The following RSKR variants were observed in gnomAD, a reference collection of about 807,000 sequenced individuals.
The protein encoded by RSKR is ribosomal protein S6 kinase-related protein.
RSKR carries 44 observed loss-of-function variants against 56.8 expected under a neutral mutation model. The observed-to-expected ratio is 0.77, with a 90% CI of 0.61 to 1.00. The LOEUF (loss-of-function observed/expected upper bound fraction) is 1.00, where lower values mean the gene tolerates loss of function less well. RSKR is among the 50% of genes least tolerant of loss of function. The pLI is 0.00. For synonymous variants in RSKR, 181 were observed against 188.0 expected (o/e 0.96, Z 0.30); for missense variants, 510 against 506.9 (o/e 1.01, Z -0.06).
rs2070798453 is a variant in RSKR at position 28,610,590 on chromosome 17, A to C, written c.1121T>G (p.Val374Gly). 2.0e-6 allele frequency: 3 copies of C among 1,535,898 alleles called. No homozygotes were observed. The highest frequency in any genetic ancestry group is 1.7e-6 in the Non-Finnish European group (2 of 1,146,890). Residue 374 changes from valine (V) to glycine (G), a missense_variant, in exon 12 of 12, where the codon GTG becomes GGG. Coordinates refer to ENST00000301037, the MANE Select transcript of RSKR (RefSeq NM_001174103.2). ...AGCTTGTGTCTCCGTGACAAAGTTC[A>C]CTGGCTGCTTCTGTAGGAGCTCTGG... is the stretch of plus-strand genomic sequence containing the variant. ...FDPELLQKQP[V>G]NFVTETQATQ...
chr17:28,613,031 C>T (rs987829108), intron 4 of RSKR, 47 bp downstream of exon 4: 9 of 1,595,878 alleles, frequency 5.6e-6, no homozygotes, highest in Middle Eastern at 1.7e-4. Context: ...CTTTCCCTAC[C>T]TGTGGCCTAG....
At chr17:28,613,041 G>A (rs1394547336) in intron 4 of RSKR, 37 bp downstream of exon 4, 4 of 1,607,280 alleles carry the variant, frequency 2.5e-6, no homozygotes, top group Non-Finnish European at 2.6e-6. Context: ...CTGTGGCCTA[G>A]CTCTTCCCAC....
In RSKR at chr17:28,611,392, C is replaced by G; in HGVS notation, c.900+1G>C. On this transcript the variant is annotated splice_donor_variant, in intron 10 of 11. Coordinates refer to ENST00000301037, the MANE Select transcript of RSKR (RefSeq NM_001174103.2). LOFTEE classifies it high-confidence loss of function. ...GCCCAAAACTACTACTATTCTCTCACCTTTCCAGTCGCCAGAGAGAAAAGC... is the reference window on the plus strand; with the variant it reads ...GCCCAAAACTACTACTATTCTCTCAGCTTTCCAGTCGCCAGAGAGAAAAGC... The G allele has an allele frequency of 6.3e-7, 1 of 1,578,872 alleles. No homozygotes were observed. The highest frequency in any genetic ancestry group is 8.6e-7 in the Non-Finnish European group (1 of 1,168,498).
intron 3 of RSKR, 24 bp downstream of exon 3, chr17:28,613,238 C>G: frequency 6.2e-7 from 1 of 1,613,872 alleles, no homozygotes; most frequent in South Asian, 1.1e-5. Context: ...GAAACAGAGA[C>G]TAATGTGGTA....
rs2070844242 is a variant in RSKR, at chr17:28,613,064, G to A, written c.477+14C>T. ...TAGCTCTTCCCACAATCCTTTCCAG[G>A]ACTCTGTGCATACCTGGATGCTAAC... On this transcript the variant is annotated intron_variant, in intron 4 of 11. Coordinates refer to ENST00000301037, the MANE Select transcript of RSKR (RefSeq NM_001174103.2). The A allele has an allele frequency of 6.2e-7, 1 of 1,613,876 alleles. No homozygotes were observed. The highest frequency in any genetic ancestry group is 8.5e-7 in the Non-Finnish European group (1 of 1,179,886).
At position 28,611,149 on chromosome 17, in the gene RSKR, G is replaced by A. The variant is rs767892302; in HGVS notation, c.1005C>T (p.Leu335=). 2 of 1,535,830 alleles carry A rather than the reference G, an allele frequency of 1.3e-6. No homozygotes were observed. Among genetic ancestry groups the A allele is most frequent in the African/African-American group, 1.4e-5 (1 of 73,024 alleles). ...ASLNQGLSLL[L]HELLCQNPLH... is the part of the protein sequence containing the mutation. ...AAGCAGTGCTCATCCTTACCTCATGGAGCAGGAGTGAGAGGCCCTGGTTAA... is the reference window on the plus strand; with the variant it reads ...AAGCAGTGCTCATCCTTACCTCATGAAGCAGGAGTGAGAGGCCCTGGTTAA... Residue 335 remains leucine, a synonymous_variant, in exon 11 of 12, where the codon CTC becomes CTT. Coordinates refer to ENST00000301037, the MANE Select transcript of RSKR (RefSeq NM_001174103.2).
At position 28,610,253 on chromosome 17, in the gene RSKR, C is replaced by A; in HGVS notation, c.*225G>T. 1.8e-6 allele frequency: 1 copy of A among 547,204 alleles called. No individual in the cohort carries two copies. Among genetic ancestry groups the A allele is most frequent in the Non-Finnish European group, 3.3e-6 (1 of 305,324 alleles). 33.9% of individuals were successfully genotyped at this position (547,204 alleles called of 1,614,324 possible). On this transcript the variant is annotated 3_prime_UTR_variant, in exon 12 of 12. Coordinates refer to ENST00000301037, the MANE Select transcript of RSKR (RefSeq NM_001174103.2). ...GGAAAAGGTCACCACCCTGATCTGACATGTTGAATTGAGAGGTAGGTTGTA... is the reference window on the plus strand; with the variant it reads ...GGAAAAGGTCACCACCCTGATCTGAAATGTTGAATTGAGAGGTAGGTTGTA...
rs2070776789 is a variant in RSKR, at chr17:28,608,882, A to C, written c.*1596T>G. On this transcript the variant is annotated 3_prime_UTR_variant, in exon 12 of 12. Transcript: ENST00000301037. ...CTAGATTAAAACTTACTTTCCCTTC[A>C]AGTCTCAGGACAAAAATGAAAATTG... 1 of 152,174 alleles carries C rather than the reference A, an allele frequency of 6.6e-6. No individual in the cohort carries two copies. Among genetic ancestry groups the C allele is most frequent in the Admixed American group, 6.6e-5 (1 of 15,266 alleles). 9.4% of individuals were successfully genotyped at this position (152,174 alleles called of 1,614,324 possible). A position where few individuals can be genotyped will look rare whatever the true frequency, so the allele number is the denominator to read the frequency against.
rs769589234 is a variant in RSKR, at chr17:28,613,594, T to C, written c.170A>G (p.Glu57Gly). The C allele has an allele frequency of 1.9e-6, 3 of 1,614,108 alleles. No individual in the cohort carries two copies. The South Asian group carries it at 3.3e-5, about 18-fold the overall frequency. The change falls in exon 2 of 12, where the codon GAA becomes GGA. Residue 57 changes from glutamate (E) to glycine (G), a missense_variant. Glu to Gly is a moderately conservative substitution (Grantham distance 98). Transcript: ENST00000301037. ...TIRSDLEELW[E>G]LRGHHYLHQE... ...GTGCAGATAGTGGTGCCCCCGTAGT[T>C]CCCAGAGTTCTTCCAGATCTGACCT...
In RSKR at chr17:28,614,121, T is replaced by C. The variant is rs1453607124; in HGVS notation, c.41A>G (p.Gln14Arg). 1.2e-6 allele frequency: 2 copies of C among 1,613,538 alleles called. No individual in the cohort carries two copies. Among genetic ancestry groups the C allele is most frequent in the Non-Finnish European group, 1.7e-6 (2 of 1,179,944 alleles). Residue 14 changes from glutamine to arginine, a missense_variant, in exon 1 of 12, where the codon CAG becomes CGG. Transcript: ENST00000301037. The stretch of plus-strand genomic sequence containing the variant: ...GACAGCCACCCGGGTGTGTTCCCCC[T>C]GCTGGGTGTGCTGCCCCTGCCGACA... ...VSCRQGQHTQ[Q>R]GEHTRVAVPH... is the part of the protein sequence containing the mutation.
chr17:28,612,136 T>C, intron 6 of RSKR, 52 bp from the exon 7 acceptor site: 1 of 1,605,238 alleles, frequency 6.2e-7, no homozygotes, highest in South Asian at 1.1e-5. Flanking sequence ...CTTTCCAGTT[T>C]CCCTAGTAGC....
intron 3 of RSKR, 40 bp downstream of exon 3, chr17:28,613,222 A>T: frequency 1.9e-6 from 3 of 1,613,778 alleles, no homozygotes; most frequent in Non-Finnish European, 2.5e-6. Context: ...TCTGGAATCA[A>T]GATTGGAAAC....
In RSKR at chr17:28,611,393, C is replaced by T; in HGVS notation, c.900G>A (p.Lys300=). ...GVLLFSLATG[K]FPVAAERDHV... Reference sequence around the variant, plus strand: ...CCCAAAACTACTACTATTCTCTCACCTTTCCAGTCGCCAGAGAGAAAAGCA... The same window carrying T: ...CCCAAAACTACTACTATTCTCTCACTTTTCCAGTCGCCAGAGAGAAAAGCA... Residue 300 remains lysine (K), a splice_region_variant and synonymous_variant, in exon 10 of 12, where the codon AAG becomes AAA. Coordinates refer to ENST00000301037, the MANE Select transcript of RSKR (RefSeq NM_001174103.2). The T allele has an allele frequency of 6.3e-7, 1 of 1,580,314 alleles. No individual in the cohort carries two copies. Among genetic ancestry groups the T allele is most frequent in the Non-Finnish European group, 8.6e-7 (1 of 1,169,350 alleles).
Position 28,613,317 on chromosome 17 carries a change from A to G in RSKR, c.353T>C (p.Phe118Ser). 6.2e-7 allele frequency: 1 copy of G among 1,614,206 alleles called. No individual in the cohort carries two copies. The highest frequency in any genetic ancestry group is 1.3e-5 in the African/African-American group (1 of 75,044). ...ATCTAGCACCTTGAGGACAGTTCCA[A>G]AGGAGCCTTTAGCCACGAGGCCTAA... ...KILGLVAKGS[F>S]GTVLKVLDCT... is the part of the protein sequence containing the mutation. Residue 118 changes from phenylalanine to serine, a missense_variant, in exon 3 of 12, where the codon TTT becomes TCT. Transcript: ENST00000301037.
At chr17:28,613,993 A>T (rs570593445) in intron 1 of RSKR, 94 bp downstream of exon 1, 3 of 1,504,566 alleles carry the variant, frequency 2.0e-6, no homozygotes, top group Non-Finnish European at 2.7e-6. Flanking sequence ...ACATTGGGTA[A>T]TCACTTCCAT....
rs758362882 is a variant in RSKR at position 28,612,730 on chromosome 17, T to C, written c.478-43A>G. The C allele has an allele frequency of 4.4e-6, 7 of 1,596,990 alleles. No individual in the cohort carries two copies. The African/African-American group carries it at 5.4e-5, about 12-fold the overall frequency. On this transcript the variant is annotated intron_variant, in intron 4 of 11. Coordinates refer to ENST00000301037, the MANE Select transcript of RSKR (RefSeq NM_001174103.2). ...AGGAAGTTAGGGAGGAACAGGGTCATTGAGAATAAAGGCAGCTGAGAAATC... is the reference window on the plus strand; with the variant it reads ...AGGAAGTTAGGGAGGAACAGGGTCACTGAGAATAAAGGCAGCTGAGAAATC...
chr17:28,612,594 T>C, intron 5 of RSKR, 24 bp downstream of exon 5: 2 of 1,611,928 alleles, frequency 1.2e-6, no homozygotes, highest in Non-Finnish European at 8.5e-7. Context: ...CCCTGGGGGA[T>C]GAGGAGAGAG....
rs1351618870 is a variant in RSKR, at chr17:28,613,515, C to A, written c.249G>T (p.Trp83Cys). 2 of 1,614,226 alleles carry A rather than the reference C, an allele frequency of 1.2e-6. No homozygotes were observed. The highest frequency in any genetic ancestry group is 1.7e-6 in the Non-Finnish European group (2 of 1,180,044). Residue 83 changes from tryptophan (W) to cysteine (C), a missense_variant, in exon 2 of 12, where the codon TGG becomes TGT. By Grantham distance (215) the Trp-to-Cys change is radical (BLOSUM62 -2). Transcript: ENST00000301037. ...PVLVEKPLPE[W>C]PVPQFINLFL... The stretch of plus-strand genomic sequence containing the variant: ...AGAGGTTGATGAACTGAGGCACTGG[C>A]CACTCTGGCAGAGGCTTCTCTACCA...
At position 28,613,436 on chromosome 17, in the gene RSKR, T is replaced by G; in HGVS notation, c.324+4A>C. 6.2e-7 allele frequency: 1 copy of G among 1,614,212 alleles called. No individual in the cohort carries two copies. The highest frequency in any genetic ancestry group is 8.5e-7 in the Non-Finnish European group (1 of 1,180,028). On this transcript the variant is annotated splice_donor_region_variant and intron_variant, in intron 2 of 11. Transcript: ENST00000301037. ...GACCCCACTCAGGGATTCCACTGAC[T>G]TACCTTCAGCTGCTGCTGCCCCCTA...
Sources: allele counts gnomAD v4.1 joint callset, GRCh38; gene constraint gnomAD v4.1.1; transcripts MANE v1.5; gene names NCBI Gene and HGNC (gene_info 2026-07-23, HGNC 2026-07-21).